The following PPEF1 variants were observed in gnomAD, a reference collection of about 807,000 sequenced individuals.
PPEF1 encodes protein phosphatase with EF-hand domain 1.
In PPEF1, 12 loss-of-function variants were observed where a neutral mutation model predicts 53.3. The ratio of observed to expected loss-of-function variants is 0.23; its 90% CI spans 0.14 to 0.36. PPEF1 has a LOEUF of 0.36. Among genes scored for constraint, PPEF1 ranks in the 10% least tolerant of loss-of-function variants. PPEF1 has a pLI of 1.00. For missense variants in PPEF1, 334 were observed against 490.4 expected, an observed-to-expected ratio of 0.68 and a Z score of 3.01; for synonymous variants, 165 against 176.7, an observed-to-expected ratio of 0.93 and a Z score of 0.52.
intron 10 of PPEF1, among the ~76,000 whole-genome samples, chrX:18,797,478 ATTAT>A (rs1261771843): frequency 1.8e-5 from 2 of 111,059 alleles, no homozygotes; most frequent in East Asian, 5.6e-4. Flanking sequence ...AATAATTTTA[ATTAT>A]TTATAGTCTG....
chrX:18,736,961 G>C (rs1193770523), intron 3 of PPEF1, among the ~76,000 whole-genome samples: 2 of 111,691 alleles, frequency 1.8e-5, no homozygotes, highest in African/African-American at 6.5e-5. Flanking sequence ...TATTTCTGTG[G>C]GATCGGTGGT....
chrX:18,682,669 C>A (rs1176355430), upstream of PPEF1, among the ~76,000 whole-genome samples: 1 of 111,735 alleles, frequency 8.9e-6, no homozygotes, highest in African/African-American at 3.3e-5. Context: ...GGCTTACTGA[C>A]ACTTGCAATG....
At chrX:18,743,596 T>C (rs1025370905) in intron 3 of PPEF1, among the ~76,000 whole-genome samples, 1 of 108,429 alleles carries the variant, frequency 9.2e-6, no homozygotes, top group African/African-American at 3.4e-5. Flanking sequence ...ACTACAGGCA[T>C]GTGCCACCAC....
At chrX:18,816,571 A>C (rs972616762) in intron 12 of PPEF1, among the ~76,000 whole-genome samples, 1 of 111,382 alleles carries the variant, frequency 9.0e-6, no homozygotes, top group African/African-American at 3.3e-5. Context: ...GCTGTTCAAG[A>C]CTTCTCTTTC....
chrX:18,772,145 T>C (rs1410741172), intron 6 of PPEF1, among the ~76,000 whole-genome samples: 1 of 111,454 alleles, frequency 9.0e-6, no homozygotes, highest in African/African-American at 3.3e-5. Context: ...CAAGACTCTC[T>C]CTCTCAAATA....
At chrX:18,717,874 A>T (rs2044492572) in intron 1 of PPEF1, among the ~76,000 whole-genome samples, 1 of 111,201 alleles carries the variant, frequency 9.0e-6, no homozygotes, top group Non-Finnish European at 1.9e-5. Flanking sequence ...GTGTGTCAAG[A>T]CTCCAAATCT....
At chrX:18,792,957 A>G (rs189312206) in intron 10 of PPEF1, among the ~76,000 whole-genome samples, 16 of 110,557 alleles carry the variant, frequency 1.4e-4, no homozygotes, top group African/African-American at 4.6e-4. Context: ...CATAAGCCCA[A>G]TGGAGAGGAT....
intron 10 of PPEF1, among the ~76,000 whole-genome samples, chrX:18,794,833 C>A (rs1439146601): frequency 8.9e-6 from 1 of 112,086 alleles, no homozygotes; most frequent in Non-Finnish European, 1.9e-5. Context: ...GTCTTGGATG[C>A]ATCCACTTGA....
intron 10 of PPEF1, among the ~76,000 whole-genome samples, chrX:18,794,878 G>C (rs1261347305): frequency 8.9e-6 from 1 of 112,619 alleles, no homozygotes. Flanking sequence ...AGTGAAGGGG[G>C]TTAGAGTAGA....
intron 8 of PPEF1, 22 bp downstream of exon 8, chrX:18,782,424 T>TG: frequency 9.1e-7 from 1 of 1,094,588 alleles, no homozygotes; most frequent in Non-Finnish European, 1.2e-6. Context: ...TTTTTTTTTT[T>TG]TTTTTAGTAT....
intron 12 of PPEF1, among the ~76,000 whole-genome samples, chrX:18,817,255 T>C (rs1336932526): frequency 3.6e-5 from 4 of 111,555 alleles, no homozygotes; most frequent in Admixed American, 9.6e-5. Flanking sequence ...CTAACTATCC[T>C]AGCACTCTTT....
intron 6 of PPEF1, among the ~76,000 whole-genome samples, chrX:18,762,250 A>G (rs1241975311): frequency 9.0e-6 from 1 of 111,654 alleles, no homozygotes; most frequent in African/African-American, 3.3e-5. Context: ...ACTGATCTTG[A>G]GATCCCTGCC....
intron 3 of PPEF1, chrX:18,686,256 G>A (rs1929071818): frequency 9.0e-6 from 1 of 111,170 alleles, no homozygotes; most frequent in Non-Finnish European, 1.9e-5. Flanking sequence ...AGAGACTAAG[G>A]ATGGAGGGCT....
intron 10 of PPEF1, among the ~76,000 whole-genome samples, chrX:18,801,126 G>A (rs1191891832): frequency 8.9e-6 from 1 of 112,055 alleles, no homozygotes; most frequent in Non-Finnish European, 1.9e-5. Context: ...TTTATTCATA[G>A]AGTAGGGCGG....
chrX:18,732,042 A>T (rs376125001), intron 2 of PPEF1, among the ~76,000 whole-genome samples: 3 of 112,131 alleles, frequency 2.7e-5, no homozygotes, highest in East Asian at 2.8e-4. Context: ...ATGTGCCACC[A>T]CGCCCAGCTA....
chrX:18,699,058 G>T (rs1929898646), intron 5 of PPEF1, among the ~76,000 whole-genome samples: 1 of 111,367 alleles, frequency 9.0e-6, no homozygotes, highest in African/African-American at 3.3e-5. Context: ...TTGGTTGGGA[G>T]AGCCAGCTGT....
chrX:18,750,187 C>T (rs2045415288), intron 4 of PPEF1, among the ~76,000 whole-genome samples: 1 of 111,742 alleles, frequency 8.9e-6, no homozygotes, highest in Non-Finnish European at 1.9e-5. Context: ...ATTCACATAC[C>T]ATAAAAGTCA....
intron 4 of PPEF1, among the ~76,000 whole-genome samples, chrX:18,693,676 C>T (rs895461433): frequency 5.3e-5 from 6 of 112,162 alleles, no homozygotes; most frequent in Non-Finnish European, 7.5e-5. Context: ...AAGGGATTCT[C>T]CTGCCTTAGC....
intron 3 of PPEF1, among the ~76,000 whole-genome samples, chrX:18,741,472 C>T: frequency 9.0e-6 from 1 of 111,720 alleles, no homozygotes; most frequent in East Asian, 2.8e-4. Context: ...AAGAAGGGGA[C>T]AGTGGTTTAA....
Sources: gnomAD v4.1 joint callset for allele counts (sites outside exome capture counted in the v4.1 genomes callset) on GRCh38, gnomAD v4.1.1 for gene constraint, MANE v1.5 for transcripts, NCBI Gene and HGNC (gene_info 2026-07-23, HGNC 2026-07-21) for gene names.